The following GET1 variants were observed in gnomAD, a reference collection of about 807,000 sequenced individuals.
The protein encoded by GET1 is congenital heart disease 5 protein.
In GET1, 20 loss-of-function variants were observed where a neutral mutation model predicts 22.6. The observed-to-expected ratio is 0.89, with a 90% CI of 0.62 to 1.29. The LOEUF (loss-of-function observed/expected upper bound fraction) is 1.29, where lower values mean the gene tolerates loss of function less well. Ranked by LOEUF, GET1 falls within the 50% of genes most tolerant of loss-of-function variation. The pLI is 0.00. For synonymous variants in GET1, 92 were observed against 83.8 expected, an observed-to-expected ratio of 1.10 and a Z score of -0.53; for missense variants, 209 against 219.9, an observed-to-expected ratio of 0.95 and a Z score of 0.31.
intron 1 of GET1, among the ~76,000 whole-genome samples, chr21:39,419,988 T>C (rs1601807886): frequency 6.6e-6 from 1 of 152,314 alleles, no homozygotes; most frequent in Admixed American, 6.5e-5. Flanking sequence ...TCATTAAAAT[T>C]TATCTTAAAT....
downstream of GET1, among the ~76,000 whole-genome samples, chr21:39,400,581 T>C (rs890282418): frequency 6.6e-6 from 1 of 152,180 alleles, no homozygotes; most frequent in African/African-American, 2.4e-5. Context: ...TTCTAAGTGC[T>C]GCTCTCTTAT....
At chr21:39,382,057 C>CTT (rs1045395971) in intron 1 of GET1, among the ~76,000 whole-genome samples, 6 of 135,450 alleles carry the variant, frequency 4.4e-5, no homozygotes, top group Non-Finnish European at 8.0e-5. Context: ...AGAACATTTT[C>CTT]TTTTTTTTTT....
chr21:39,383,731 A>C (rs1291239835), intron 1 of GET1, among the ~76,000 whole-genome samples: 1 of 150,896 alleles, frequency 6.6e-6, no homozygotes, highest in Non-Finnish European at 1.5e-5. Flanking sequence ...GGTTTGAGCC[A>C]CTGCGCCCAG....
chr21:39,409,917 C>T (rs904624605), downstream of GET1: 69 of 951,366 alleles, frequency 7.3e-5, no homozygotes, highest in Non-Finnish European at 9.8e-5. The surrounding 1 kb of genome is among the most constrained non-coding windows in gnomAD (Gnocchi z 4.2). Flanking sequence ...TTTATATACA[C>T]ATATAGTAAT....
At position 39,393,267 on chromosome 21, in the gene GET1, T is replaced by C. The variant is rs763150773; in HGVS notation, c.438T>C (p.Pro146=). The part of the protein sequence containing the change: ...ITPLDRLVAF[P]TRVAGGVGIT... ...CTCTAGACCGCCTGGTAGCCTTTCC[T>C]ACTAGAGTAGCAGGTAAGAATTTTC... Residue 146 remains proline (P), a synonymous_variant, in exon 4 of 5, where the codon CCT becomes CCC. Coordinates refer to ENST00000649170, the MANE Select transcript of GET1 (RefSeq NM_004627.6). 1 of 1,613,982 alleles carries C rather than the reference T, an allele frequency of 6.2e-7. No homozygotes were observed.
chr21:39,397,101 A>G lies in GET1; in HGVS notation c.*162A>G. 1 of 725,716 alleles carries G rather than the reference A, an allele frequency of 1.4e-6. No homozygotes were observed. The highest frequency in any genetic ancestry group is 2.2e-6 in the Non-Finnish European group (1 of 450,472). The allele number at this position is 725,716 out of a possible 1,614,324, so 45.0% of individuals were successfully genotyped here. A position where few individuals can be genotyped will look rare whatever the true frequency, so the allele number is the denominator to read the frequency against. ...TTGGACTTTATGAGAGAGTCTTATA[A>G]GAATCACGATTTTCTACACCTGTCA... On this transcript the variant is annotated 3_prime_UTR_variant, in exon 5 of 5. Transcript: ENST00000649170.
At chr21:39,388,171 T>A (rs2038050727) in intron 1 of GET1, among the ~76,000 whole-genome samples, 1 of 152,098 alleles carries the variant, frequency 6.6e-6, no homozygotes, top group Non-Finnish European at 1.5e-5. Flanking sequence ...GCTCAGGAGT[T>A]CACTGGCAAC....
intron 1 of GET1, among the ~76,000 whole-genome samples, chr21:39,382,882 G>A (rs2037639585): frequency 6.6e-6 from 1 of 152,064 alleles, no homozygotes; most frequent in Non-Finnish European, 1.5e-5. Context: ...CAGTGCAGAA[G>A]GGTTCCAGTT....
At chr21:39,411,675 G>A (rs748023528) in intron 1 of GET1, 5 of 1,012,624 alleles carry the variant, frequency 4.9e-6, no homozygotes, top group East Asian at 2.5e-5. Flanking sequence ...AATCTGACTA[G>A]ATACTTAAAA....
intron 1 of GET1, among the ~76,000 whole-genome samples, chr21:39,389,278 C>T (rs1286642669): frequency 6.6e-6 from 1 of 151,906 alleles, no homozygotes; most frequent in Non-Finnish European, 1.5e-5. Context: ...GGCCTTTTTT[C>T]TTTTGTCCCC....
intron 1 of GET1, among the ~76,000 whole-genome samples, chr21:39,388,438 C>T (rs539846799): frequency 1.1e-4 from 16 of 152,364 alleles, no homozygotes; most frequent in African/African-American, 3.8e-4. Context: ...TCATGCATTG[C>T]ATTTCCCGGC....
At chr21:39,398,885 G>A (rs957057801), downstream of GET1, among the ~76,000 whole-genome samples, 18 of 151,724 alleles carry the variant, frequency 1.2e-4, no homozygotes, top group Admixed American at 2.0e-4. Flanking sequence ...GATTACAGGC[G>A]CCCGCCATGA....
downstream of GET1, chr21:39,407,821 AAAAT>A (rs1176999877): frequency 2.0e-5 from 3 of 152,262 alleles, no homozygotes; most frequent in Non-Finnish European, 2.9e-5. Context: ...AATGGACTGA[AAAAT>A]AAGCAGAAAA....
chr21:39,386,715 C>G (rs1391297564), intron 1 of GET1, among the ~76,000 whole-genome samples: 1 of 152,162 alleles, frequency 6.6e-6, no homozygotes, highest in Non-Finnish European at 1.5e-5. Flanking sequence ...CACTTTTGTT[C>G]TAAAAATTAA....
intron 1 of GET1, among the ~76,000 whole-genome samples, chr21:39,384,445 A>G (rs1232161293): frequency 6.6e-6 from 1 of 151,344 alleles, no homozygotes; most frequent in East Asian, 1.9e-4. Flanking sequence ...TTTTTAGTAG[A>G]AAGAGGGTTT....
intron 1 of GET1, among the ~76,000 whole-genome samples, chr21:39,390,343 G>C (rs1569036630): frequency 1.3e-5 from 2 of 152,174 alleles, no homozygotes; most frequent in Non-Finnish European, 1.5e-5. Flanking sequence ...ACTTACAAGA[G>C]CTGCGGCAGT....
chr21:39,382,243 C>T (rs755970560), intron 1 of GET1, among the ~76,000 whole-genome samples: 70 of 152,006 alleles, frequency 4.6e-4, no homozygotes, highest in Non-Finnish European at 7.1e-4. Context: ...TTAATAGAGA[C>T]GGGGTCTCAC....
chr21:39,387,881 G>T (rs1477966618), intron 1 of GET1: 2 of 912,390 alleles, frequency 2.2e-6, no homozygotes, highest in Non-Finnish European at 2.6e-6. Flanking sequence ...GAGGGGGGGG[G>T]ATCTGATTTA....
At chr21:39,408,293 C>T (rs185426942), downstream of GET1, among the ~76,000 whole-genome samples, 11 of 152,272 alleles carry the variant, frequency 7.2e-5, no homozygotes, top group African/African-American at 2.6e-4. Flanking sequence ...GAGAGGTATA[C>T]AAATTTACCT....
Sources: gnomAD v4.1 joint callset for allele counts (sites outside exome capture counted in the v4.1 genomes callset) on GRCh38, gnomAD v4.1.1 for gene constraint, Gnocchi (gnomAD v3.1) non-coding constraint, MANE v1.5 for transcripts, NCBI Gene and HGNC (gene_info 2026-07-23, HGNC 2026-07-21) for gene names.